The following SPOCK3 variants were observed in gnomAD, a reference collection of about 807,000 sequenced individuals.
SPOCK3 encodes testican-3.
In SPOCK3, 30 loss-of-function variants were observed where a neutral mutation model predicts 56.6. That is an observed-to-expected ratio of 0.53 (90% CI 0.40 to 0.72). The LOEUF (loss-of-function observed/expected upper bound fraction) is 0.72, where lower values mean the gene tolerates loss of function less well. Ranked by LOEUF, SPOCK3 falls within the 30% of genes least tolerant of loss-of-function variation. The pLI, the probability that SPOCK3 is intolerant of heterozygous loss-of-function variation, is 0.00. For missense variants in SPOCK3, 527 were observed against 530.0 expected (o/e 0.99, Z 0.06); for synonymous variants, 196 against 183.3 (o/e 1.07, Z -0.56).
chr4:166,891,220 T>C (rs112917727), intron 5 of SPOCK3, among the ~76,000 whole-genome samples: 100 of 152,152 alleles, frequency 6.6e-4, no homozygotes, highest in African/African-American at 2.3e-3. Context: ...TGAAGTAATA[T>C]GACTTCTTTG....
chr4:167,037,355 G>A (rs1319777985), intron 3 of SPOCK3, among the ~76,000 whole-genome samples: 1 of 151,998 alleles, frequency 6.6e-6, no homozygotes, highest in Admixed American at 6.6e-5. Context: ...GGTGGGGTGT[G>A]CCTGTGGTCC....
At chr4:167,093,453 C>T (rs1758883234) in intron 2 of SPOCK3, among the ~76,000 whole-genome samples, 1 of 152,070 alleles carries the variant, frequency 6.6e-6, no homozygotes. Flanking sequence ...ACCCCCCATC[C>T]CCTGACAGGC....
chr4:167,225,015 A>G (rs1219534487), intron 2 of SPOCK3, among the ~76,000 whole-genome samples: 1 of 152,188 alleles, frequency 6.6e-6, no homozygotes, highest in Non-Finnish European at 1.5e-5. Context: ...ATCAATAACT[A>G]TTCTAATCAA....
chr4:166,917,619 C>T (rs1738008446), intron 4 of SPOCK3, among the ~76,000 whole-genome samples: 1 of 152,122 alleles, frequency 6.6e-6, no homozygotes, highest in Non-Finnish European at 1.5e-5. Flanking sequence ...TACAGGGTCA[C>T]TGTCACTCAC....
intron 2 of SPOCK3, among the ~76,000 whole-genome samples, chr4:167,104,351 T>C (rs560323512): frequency 6.6e-6 from 1 of 152,102 alleles, no homozygotes; most frequent in East Asian, 1.9e-4. Flanking sequence ...ACAGAAGAAA[T>C]TCAGAATTCT....
At chr4:166,873,565 G>C (rs1009046927) in intron 6 of SPOCK3, among the ~76,000 whole-genome samples, 1 of 151,966 alleles carries the variant, frequency 6.6e-6, no homozygotes, top group Non-Finnish European at 1.5e-5. Context: ...CATAAACTGC[G>C]GCACAAATAA....
intron 2 of SPOCK3, among the ~76,000 whole-genome samples, chr4:167,215,530 G>T (rs1237246712): frequency 6.6e-6 from 1 of 152,130 alleles, no homozygotes; most frequent in Non-Finnish European, 1.5e-5. Flanking sequence ...GCCTTTTCTA[G>T]ATGAAAAACT....
At chr4:167,172,531 G>C (rs548250140) in intron 2 of SPOCK3, among the ~76,000 whole-genome samples, 2 of 152,172 alleles carry the variant, frequency 1.3e-5, no homozygotes, top group Non-Finnish European at 2.9e-5. Context: ...GTTCACATTA[G>C]TATATATAGA....
In SPOCK3 at chr4:167,183,132, C is replaced by A. The variant is rs551893732; in HGVS notation, c.189+50853G>T. ...TTAGAGAATATGGAACAGAGCAACTCCAACTAACCCACAGAACTGCAGTAA... is the reference window on the plus strand; with the variant it reads ...TTAGAGAATATGGAACAGAGCAACTACAACTAACCCACAGAACTGCAGTAA... On this transcript the variant is annotated intron_variant, in intron 2 of 10. Transcript: ENST00000357545. 2.6e-5 allele frequency among the ~76,000 whole-genome samples: 4 copies of A among 152,154 alleles called. 1 individual carries two copies. Among genetic ancestry groups the A allele is most frequent in the Admixed American group, 1.3e-4 (2 of 15,266 alleles).
intron 4 of SPOCK3, among the ~76,000 whole-genome samples, chr4:166,999,361 C>T (rs774940154): frequency 1.8e-4 from 28 of 152,114 alleles, no homozygotes; most frequent in Non-Finnish European, 3.7e-4. Context: ...TGTCCTCTTA[C>T]ATTATGAGAA....
intron 2 of SPOCK3, among the ~76,000 whole-genome samples, chr4:167,096,966 TTA>T (rs1201547862): frequency 6.6e-6 from 1 of 151,830 alleles, no homozygotes; most frequent in African/African-American, 2.4e-5. Context: ...TTTAGTATTG[TTA>T]TGTCTTCTTA....
At chr4:167,134,804 A>G (rs940826927) in intron 2 of SPOCK3, among the ~76,000 whole-genome samples, 2 of 152,126 alleles carry the variant, frequency 1.3e-5, no homozygotes, top group South Asian at 4.1e-4. Flanking sequence ...GATTTCCTTA[A>G]AAGTCATGTA....
At chr4:166,802,685 C>T (rs1185168006) in intron 6 of SPOCK3, among the ~76,000 whole-genome samples, 3 of 152,020 alleles carry the variant, frequency 2.0e-5, no homozygotes, top group African/African-American at 7.2e-5. Context: ...TTGAAGGGGT[C>T]ACAAATGTTC....
At chr4:166,823,105 G>A (rs192709662) in intron 6 of SPOCK3, among the ~76,000 whole-genome samples, 8 of 151,906 alleles carry the variant, frequency 5.3e-5, no homozygotes, top group African/African-American at 1.9e-4. Context: ...TGGACTTTCC[G>A]AAAAGGTTTC....
intron 4 of SPOCK3, among the ~76,000 whole-genome samples, chr4:166,997,236 A>C (rs1337739672): frequency 6.6e-6 from 1 of 152,134 alleles, no homozygotes; most frequent in Admixed American, 6.6e-5. Context: ...CGATAGGCTG[A>C]TAGGTGCAGT....
chr4:166,980,399 A>G (rs1442744330), intron 4 of SPOCK3, among the ~76,000 whole-genome samples: 1 of 152,258 alleles, frequency 6.6e-6, no homozygotes, highest in Non-Finnish European at 1.5e-5. Context: ...TTGAGAGCTC[A>G]CAAGTGTCAC....
chr4:167,205,165 A>ATATATATTATATATTATATATTATATAT (rs1337545685), intron 2 of SPOCK3, among the ~76,000 whole-genome samples: 44 of 110,316 alleles, frequency 4.0e-4, no homozygotes, highest in African/African-American at 1.4e-3. Context: ...TATATATATA[A>ATATATATTATATATTATATATTATATAT]TATATATTAT....
chr4:166,814,741 C>T (rs1401208048), intron 6 of SPOCK3, among the ~76,000 whole-genome samples: 2 of 152,034 alleles, frequency 1.3e-5, no homozygotes, highest in Admixed American at 6.6e-5. Flanking sequence ...TTCTTTCTTC[C>T]CCAGCTTGCA....
intron 2 of SPOCK3, among the ~76,000 whole-genome samples, chr4:167,099,698 T>C (rs1759463860): frequency 6.6e-6 from 1 of 152,086 alleles, no homozygotes; most frequent in African/African-American, 2.4e-5. Context: ...TTATTTAAAA[T>C]TTGTTATTTT....
Sources: allele counts gnomAD v4.1 joint callset (sites outside exome capture counted in the v4.1 genomes callset), GRCh38; gene constraint gnomAD v4.1.1; transcripts MANE v1.5; gene names NCBI Gene and HGNC (gene_info 2026-07-23, HGNC 2026-07-21).